The following ADAMTSL1 variants were observed in gnomAD, a reference collection of about 807,000 sequenced individuals.
The protein encoded by ADAMTSL1 is ADAMTS like 1.
ADAMTSL1 carries 126 observed loss-of-function variants against 201.8 expected under a neutral mutation model. The ratio of observed to expected loss-of-function variants is 0.62; its 90% CI spans 0.54 to 0.72. The LOEUF is 0.72. ADAMTSL1 is among the 30% of genes least tolerant of loss of function. The pLI, the probability that ADAMTSL1 is intolerant of heterozygous loss-of-function variation, is 0.00. For missense variants in ADAMTSL1, 2,679 were observed against 2,277.8 expected (o/e 1.18, Z -3.59); for synonymous variants, 1,121 against 903.4 (o/e 1.24, Z -4.32).
At chr9:18,893,913 G>A (rs1164767781) in intron 26 of ADAMTSL1, among the ~76,000 whole-genome samples, 6 of 152,220 alleles carry the variant, frequency 3.9e-5, no homozygotes, top group East Asian at 3.8e-4. Context: ...CTGGCTTCAT[G>A]TAATAATTCA....
chr9:18,315,670 A>G (rs1191061382), intron 2 of ADAMTSL1, among the ~76,000 whole-genome samples: 1 of 152,002 alleles, frequency 6.6e-6, no homozygotes, highest in East Asian at 1.9e-4. Context: ...GCGCTGGCCC[A>G]CGAGCTCTGT....
intron 2 of ADAMTSL1, among the ~76,000 whole-genome samples, chr9:18,279,756 T>G (rs1404291187): frequency 6.6e-6 from 1 of 152,122 alleles, no homozygotes; most frequent in Non-Finnish European, 1.5e-5. Context: ...AAAAATGCAG[T>G]ATTCGCAGAT....
intron 1 of ADAMTSL1, among the ~76,000 whole-genome samples, chr9:18,060,639 CTT>C (rs1822407111): frequency 6.6e-6 from 1 of 152,148 alleles, no homozygotes; most frequent in East Asian, 1.9e-4. Context: ...ACAATAAACA[CTT>C]TTATTTTCAT....
intron 1 of ADAMTSL1, among the ~76,000 whole-genome samples, chr9:18,092,983 G>A (rs1187319565): frequency 3.3e-5 from 5 of 152,126 alleles, no homozygotes; most frequent in East Asian, 1.9e-4. Flanking sequence ...GGGCTCAATC[G>A]TAGCTGACAT....
At chr9:18,076,071 G>A in intron 1 of ADAMTSL1, among the ~76,000 whole-genome samples, 1 of 152,116 alleles carries the variant, frequency 6.6e-6, no homozygotes, top group East Asian at 1.9e-4. Context: ...CTTTTATTAG[G>A]TTCCTGTTTG....
At chr9:17,908,909 A>G (rs1412073561) in intron 1 of ADAMTSL1, among the ~76,000 whole-genome samples, 1 of 151,828 alleles carries the variant, frequency 6.6e-6, no homozygotes, top group South Asian at 2.1e-4. Context: ...GACTTCCACA[A>G]TGGTTGAACT....
rs1383150378 is a variant in ADAMTSL1 at position 18,017,973 on chromosome 9, T to C, written c.87+111051T>C. ...TCTTTGTTGTTCTAAAACTTGTGTC[T>C]TAATATCAGAAATTTTCAAACTGTG... is the stretch of plus-strand genomic sequence containing the variant. On this transcript the variant is annotated intron_variant, in intron 1 of 29. Coordinates refer to the ADAMTSL1 transcript ENST00000680146. 3.3e-5 allele frequency among the ~76,000 whole-genome samples: 5 copies of C among 152,206 alleles called. No individual in the cohort carries two copies. In the East Asian group the frequency reaches 9.7e-4, roughly 30 times the overall value.
At chr9:18,044,404 T>C (rs1019512492) in intron 1 of ADAMTSL1, among the ~76,000 whole-genome samples, 2 of 152,010 alleles carry the variant, frequency 1.3e-5, no homozygotes, top group African/African-American at 4.8e-5. Context: ...GTGGACCATG[T>C]GGTGGGATGG....
intron 2 of ADAMTSL1, among the ~76,000 whole-genome samples, chr9:18,415,780 C>G (rs1014633567): frequency 2.0e-5 from 3 of 151,856 alleles, no homozygotes; most frequent in African/African-American, 7.3e-5. Flanking sequence ...TAGTGATAAA[C>G]AGAAAATCTT....
At chr9:18,062,759 T>C (rs1822515782) in intron 1 of ADAMTSL1, among the ~76,000 whole-genome samples, 1 of 152,188 alleles carries the variant, frequency 6.6e-6, no homozygotes, top group African/African-American at 2.4e-5. Flanking sequence ...TGAGAAACAA[T>C]TCTAATGCTT....
At chr9:18,907,081 G>A in intron 28 of ADAMTSL1, 169 bp downstream of exon 28, 1 of 693,438 alleles carries the variant, frequency 1.4e-6, no homozygotes, top group South Asian at 1.9e-5. Context: ...TGTATGCAGA[G>A]AGGTGTATAT....
At chr9:18,162,896 A>G (rs1827457066) in intron 1 of ADAMTSL1, among the ~76,000 whole-genome samples, 1 of 151,952 alleles carries the variant, frequency 6.6e-6, no homozygotes, top group East Asian at 1.9e-4. Context: ...GATAATAATA[A>G]TGGCTGTTAT....
At chr9:18,042,639 A>G (rs963706402) in intron 1 of ADAMTSL1, among the ~76,000 whole-genome samples, 1 of 152,170 alleles carries the variant, frequency 6.6e-6, no homozygotes, top group Non-Finnish European at 1.5e-5. Flanking sequence ...CTTATAACCC[A>G]AATGATTCAC....
At chr9:18,116,780 T>C (rs1462176821) in intron 1 of ADAMTSL1, among the ~76,000 whole-genome samples, 2 of 152,230 alleles carry the variant, frequency 1.3e-5, no homozygotes, top group African/African-American at 4.8e-5. Context: ...GTTTGTTACG[T>C]ATGTATACAT....
chr9:18,231,926 C>T (rs767335596), intron 2 of ADAMTSL1, among the ~76,000 whole-genome samples: 1 of 152,236 alleles, frequency 6.6e-6, no homozygotes, highest in Non-Finnish European at 1.5e-5. Context: ...TCTAAGCCAA[C>T]ATCACCTCTC....
At chr9:18,471,345 G>A (rs115310371), upstream of ADAMTSL1, among the ~76,000 whole-genome samples, 1,915 of 152,214 alleles carry the variant, frequency 0.013, 41 homozygotes, top group African/African-American at 0.044. Context: ...GTGGCTCAAT[G>A]GCCAGTTCTA....
At chr9:18,514,186 T>C (rs1367467995) in intron 2 of ADAMTSL1, among the ~76,000 whole-genome samples, 1 of 152,200 alleles carries the variant, frequency 6.6e-6, no homozygotes, top group Admixed American at 6.5e-5. Context: ...TTTGTGATTG[T>C]CAGTGTTCAA....
intron 4 of ADAMTSL1, among the ~76,000 whole-genome samples, chr9:18,618,413 A>G (rs1011646429): frequency 6.6e-6 from 1 of 152,116 alleles, no homozygotes; most frequent in Non-Finnish European, 1.5e-5. Flanking sequence ...GCTGAGCAGC[A>G]GAAATATCAA....
At chr9:17,908,579 C>A (rs893104299) in intron 1 of ADAMTSL1, among the ~76,000 whole-genome samples, 6 of 152,102 alleles carry the variant, frequency 3.9e-5, no homozygotes, top group Non-Finnish European at 8.8e-5. Flanking sequence ...GCCTCAGCCT[C>A]CCAAGTAGCT....
Sources: gnomAD v4.1 joint callset for allele counts (sites outside exome capture counted in the v4.1 genomes callset) on GRCh38, gnomAD v4.1.1 for gene constraint, MANE v1.5 for transcripts, NCBI Gene and HGNC (gene_info 2026-07-23, HGNC 2026-07-21) for gene names.